The following PCOLCE2 variants were observed in gnomAD, a reference collection of about 807,000 sequenced individuals.
PCOLCE2 encodes procollagen C-endopeptidase enhancer 2.
A neutral mutation model predicts 47.0 loss-of-function variants in PCOLCE2; 42 were observed. That is an observed-to-expected ratio of 0.89 (90% confidence interval 0.70 to 1.16). The LOEUF (loss-of-function observed/expected upper bound fraction) is 1.16, where lower values mean the gene tolerates loss of function less well. Among genes scored for constraint, PCOLCE2 ranks in the 50% most tolerant of loss-of-function variants. The pLI is 0.00. For synonymous variants in PCOLCE2, 169 were observed against 191.7 expected (o/e 0.88, Z 0.98); for missense variants, 500 against 526.1 (o/e 0.95, Z 0.49).
intron 3 of PCOLCE2, among the ~76,000 whole-genome samples, chr3:142,844,214 C>T (rs1442015086): frequency 6.6e-6 from 1 of 152,140 alleles, no homozygotes; most frequent in Non-Finnish European, 1.5e-5. Context: ...TAAATTTGTG[C>T]ATCTCTTCCC....
At chr3:142,857,807 CAG>C (rs1235983227) in intron 2 of PCOLCE2, among the ~76,000 whole-genome samples, 2 of 152,194 alleles carry the variant, frequency 1.3e-5, no homozygotes, top group Non-Finnish European at 2.9e-5. Flanking sequence ...GAAAGAATAA[CAG>C]AGGAGCTTCC....
chr3:142,882,537 G>T (rs1359361498), intron 2 of PCOLCE2, among the ~76,000 whole-genome samples: 1 of 152,002 alleles, frequency 6.6e-6, no homozygotes, highest in Non-Finnish European at 1.5e-5. Flanking sequence ...TTTAACAATA[G>T]GACCACATAC....
intron 3 of PCOLCE2, among the ~76,000 whole-genome samples, chr3:142,843,586 G>C (rs1001505766): frequency 6.6e-6 from 1 of 151,702 alleles, no homozygotes; most frequent in Non-Finnish European, 1.5e-5. Flanking sequence ...CACAAGGAAG[G>C]AAGCAAAAAT....
chr3:142,869,163 C>T (rs996176475), intron 2 of PCOLCE2, among the ~76,000 whole-genome samples: 12 of 151,910 alleles, frequency 7.9e-5, no homozygotes, highest in Non-Finnish European at 1.3e-4. Context: ...TGGTGGCGGG[C>T]GCCTGTAGTC....
intron 6 of PCOLCE2, chr3:142,827,314 G>A (rs878951334): frequency 1.5e-6 from 2 of 1,366,950 alleles, no homozygotes; most frequent in Non-Finnish European, 2.1e-6. Context: ...ATTTGTGGTA[G>A]GCTTGGCAAG....
intron 2 of PCOLCE2, among the ~76,000 whole-genome samples, chr3:142,866,477 G>A (rs770993069): frequency 7.9e-5 from 12 of 152,080 alleles, no homozygotes; most frequent in Non-Finnish European, 1.2e-4. Context: ...AATTGCATGA[G>A]CCAATTCCCA....
chr3:142,852,931 C>A (rs1382550079), intron 2 of PCOLCE2, among the ~76,000 whole-genome samples: 1 of 151,134 alleles, frequency 6.6e-6, no homozygotes, highest in African/African-American at 2.4e-5. Context: ...ATAGGGAGAT[C>A]GTGTCTCTAC....
intron 8 of PCOLCE2, among the ~76,000 whole-genome samples, chr3:142,820,626 A>C (rs1222203364): frequency 6.6e-6 from 1 of 152,138 alleles, no homozygotes; most frequent in Non-Finnish European, 1.5e-5. Flanking sequence ...TCCACCCTGC[A>C]CTGCTCTGTG....
At chr3:142,864,555 C>T (rs1268746248) in intron 2 of PCOLCE2, 4 of 152,190 alleles carry the variant, frequency 2.6e-5, no homozygotes, top group Non-Finnish European at 4.4e-5. Flanking sequence ...TTAAAGTGTA[C>T]ATTTCAACGA....
intron 2 of PCOLCE2, among the ~76,000 whole-genome samples, chr3:142,856,739 A>T (rs150049673): frequency 7.9e-5 from 12 of 152,332 alleles, no homozygotes; most frequent in Non-Finnish European, 1.6e-4. Context: ...CTTTTCACAG[A>T]CATTTGTCTT....
intron 1 of PCOLCE2, among the ~76,000 whole-genome samples, chr3:142,888,425 G>C (rs550068674): frequency 2.4e-4 from 37 of 152,306 alleles, no homozygotes; most frequent in African/African-American, 8.7e-4. Context: ...TTACGTCTCT[G>C]GGCAAAGCCT....
At chr3:142,835,727 C>T (rs1193623136) in intron 5 of PCOLCE2, among the ~76,000 whole-genome samples, 5 of 152,162 alleles carry the variant, frequency 3.3e-5, no homozygotes, top group African/African-American at 9.7e-5. Flanking sequence ...AGTGTGGCAT[C>T]GATCTCCTGG....
At chr3:142,888,442 G>C (rs1235321488) in intron 1 of PCOLCE2, among the ~76,000 whole-genome samples, 2 of 152,198 alleles carry the variant, frequency 1.3e-5, no homozygotes, top group Non-Finnish European at 2.9e-5. Context: ...GCCTCTCGGG[G>C]AAGGAAAAAA....
chr3:142,829,777 C>T lies in PCOLCE2; in HGVS notation c.780G>A (p.Gly260=), dbSNP rs758556658. The change falls in exon 6 of 9, where the codon GGG becomes GGA. Residue 260 remains glycine (G), a synonymous_variant. Transcript: ENST00000295992. ...FLSDLSLTAD[G]FIGHYIFRPK... is the part of the protein sequence containing the mutation. ...GCCTGAATATGTAGTGACCAATAAA[C>T]CCATCTGCAGTTAAACTTAAGTCTG... 1 of 1,607,838 alleles carries T rather than the reference C, an allele frequency of 6.2e-7. No individual in the cohort carries two copies. The highest frequency in any genetic ancestry group is 1.7e-5 in the Admixed American group (1 of 59,920).
chr3:142,822,185 G>T (rs1205287282), intron 7 of PCOLCE2, among the ~76,000 whole-genome samples: 2 of 152,032 alleles, frequency 1.3e-5, no homozygotes, highest in East Asian at 3.9e-4. Context: ...CAAAGTACTG[G>T]GATTACAGGT....
chr3:142,888,238 T>G (rs1446204271), intron 1 of PCOLCE2, among the ~76,000 whole-genome samples: 5 of 152,306 alleles, frequency 3.3e-5, no homozygotes, highest in Admixed American at 6.5e-5. Flanking sequence ...CACTCGCCAT[T>G]GGCAGAGCTT....
intron 2 of PCOLCE2, chr3:142,887,221 CTTT>C (rs1175905964): frequency 6.6e-6 from 1 of 152,468 alleles, no homozygotes; most frequent in African/African-American, 2.4e-5. Context: ...ATTAAGTGGG[CTTT>C]TTTTATTTTT....
chr3:142,889,057 G>A lies in PCOLCE2; in HGVS notation c.-161C>T. 1 of 389,210 alleles carries A rather than the reference G, an allele frequency of 2.6e-6. No homozygotes were observed. Among genetic ancestry groups the A allele is most frequent in the Non-Finnish European group, 4.5e-6 (1 of 220,542 alleles). The allele number at this position is 389,210 out of a possible 1,614,324, so 24.1% of individuals were successfully genotyped here. On this transcript the variant is annotated 5_prime_UTR_variant, in exon 1 of 9. Coordinates refer to ENST00000295992, the MANE Select transcript of PCOLCE2 (RefSeq NM_013363.4). ...CTCCCTCTCACGCGCGCACCGCCGC[G>A]GGGCGGCCCAGGTAGCCGGGGGATA...
intron 6 of PCOLCE2, among the ~76,000 whole-genome samples, chr3:142,825,318 CCTG>C (rs1937063638): frequency 6.6e-6 from 1 of 152,100 alleles, no homozygotes; most frequent in South Asian, 2.1e-4. Flanking sequence ...TGCTGTCTGG[CCTG>C]CAAGTCACTG....
Sources: gnomAD v4.1 joint callset for allele counts (sites outside exome capture counted in the v4.1 genomes callset) on GRCh38, gnomAD v4.1.1 for gene constraint, MANE v1.5 for transcripts, NCBI Gene and HGNC (gene_info 2026-07-23, HGNC 2026-07-21) for gene names.